Variants in GRID1 observed in about 807,000 individuals in gnomAD.
The protein encoded by GRID1 is glutamate ionotropic receptor delta type subunit 1, also known as glutamate receptor ionotropic, delta-1.
A neutral mutation model predicts 98.0 loss-of-function variants in GRID1; 28 were observed. That is an observed-to-expected ratio of 0.29 (90% confidence interval 0.21 to 0.39). The LOEUF is 0.39. Among genes scored for constraint, GRID1 ranks in the 10% least tolerant of loss-of-function variants. GRID1 has a pLI of 1.00. For synonymous variants in GRID1, 553 were observed against 538.5 expected (o/e 1.03, Z -0.37); for missense variants, 1,111 against 1,340.5 (o/e 0.83, Z 2.67).
chr10:85,797,522 C>T (rs938861924), intron 8 of GRID1, among the ~76,000 whole-genome samples: 2 of 152,070 alleles, frequency 1.3e-5, no homozygotes. Context: ...CTCCACCTCC[C>T]GTGTTCAAGT....
chr10:85,855,425 G>A lies in GRID1; in HGVS notation c.1113+604C>T, dbSNP rs542821163. On this transcript the variant is annotated intron_variant, in intron 7 of 15. Transcript: ENST00000327946. Reference sequence around the variant, plus strand: ...TCCCAGAAACACCTGGCCCAGAAGGGGCCCTGGCTCTGCCCTGGGCTGTAG... The same window carrying A: ...TCCCAGAAACACCTGGCCCAGAAGGAGCCCTGGCTCTGCCCTGGGCTGTAG... Among the ~76,000 whole-genome samples the A allele has an allele frequency of 2.8e-4, 42 of 152,280 alleles. No individual in the cohort carries two copies. The South Asian group carries it at 8.5e-3, about 31-fold the overall frequency.
chr10:85,686,640 AAAGT>A lies in GRID1; in HGVS notation c.1997+36359_1997+36362del, dbSNP rs1487378266. On this transcript the variant is annotated intron_variant, in intron 12 of 15. Coordinates refer to ENST00000327946, the MANE Select transcript of GRID1 (RefSeq NM_017551.3). ...ACTTATACACATTCTGAAGATATTA[AAAGT>A]AAGATGATACATATATTAAATATAT... Among the ~76,000 whole-genome samples, 27 of 152,274 alleles carry A rather than the reference AAAGT, an allele frequency of 1.8e-4. No homozygotes were observed. The Middle Eastern group carries it at 0.01, about 58-fold the overall frequency.
intron 4 of GRID1, among the ~76,000 whole-genome samples, chr10:86,119,732 A>G (rs1844638225): frequency 1.3e-5 from 2 of 152,228 alleles, no homozygotes; most frequent in South Asian, 4.2e-4. Flanking sequence ...CACAGCTTTC[A>G]AGAACACAGA....
intron 2 of GRID1, among the ~76,000 whole-genome samples, chr10:86,335,836 C>T (rs1020609565): frequency 2.0e-5 from 3 of 152,240 alleles, no homozygotes; most frequent in African/African-American, 7.2e-5. Context: ...CTTCCCATGG[C>T]CACTTCTCTA....
Position 85,822,168 on chromosome 10 carries a change from A to G in GRID1, c.1233+32328T>C, listed in dbSNP as rs1410018914. On this transcript the variant is annotated intron_variant, in intron 8 of 15. Coordinates refer to ENST00000327946, the MANE Select transcript of GRID1 (RefSeq NM_017551.3). Reference sequence around the variant, plus strand: ...TAAAACACCAAAAGCAATGGCAACAAAAGCCAAAATTGACAAATGGGATCT... The same window carrying G: ...TAAAACACCAAAAGCAATGGCAACAGAAGCCAAAATTGACAAATGGGATCT... Among the ~76,000 whole-genome samples the G allele has an allele frequency of 9.9e-5, 15 of 152,032 alleles. 1 individual carries two copies. Among genetic ancestry groups the G allele is most frequent in the Non-Finnish European group, 5.9e-5 (4 of 67,900 alleles).
At chr10:86,134,369 G>A (rs1057014652) in intron 4 of GRID1, among the ~76,000 whole-genome samples, 4 of 152,170 alleles carry the variant, frequency 2.6e-5, no homozygotes, top group African/African-American at 9.7e-5. Flanking sequence ...ATGGATGAAC[G>A]GAGAGAGAGG....
chr10:85,887,988 T>C (rs1841141611), intron 5 of GRID1, among the ~76,000 whole-genome samples: 1 of 152,118 alleles, frequency 6.6e-6, no homozygotes, highest in Admixed American at 6.5e-5. Flanking sequence ...TTCTACACCC[T>C]TAAGGAAGCC....
chr10:86,077,641 G>A (rs78397353), intron 4 of GRID1, among the ~76,000 whole-genome samples: 1,683 of 152,306 alleles, frequency 0.011, 31 homozygotes, highest in African/African-American at 0.038. Context: ...CCAGTGATTC[G>A]TGTGCGTTGA....
rs55997663 is a variant in GRID1 at position 85,744,452 on chromosome 10, G to C, written c.1234-14838C>G. Among the ~76,000 whole-genome samples, 1,282 of 150,710 alleles carry C rather than the reference G, an allele frequency of 8.5e-3. 31 individuals are homozygous for C. The highest frequency in any genetic ancestry group is 0.077 in the East Asian group (394 of 5,084). ...ACTATCTGATCTTTGACAAACCTGA[G>C]AAAAACAAGCAATGGGGAAAGGATT... On this transcript the variant is annotated intron_variant, in intron 8 of 15. Coordinates refer to ENST00000327946, the MANE Select transcript of GRID1 (RefSeq NM_017551.3).
At chr10:86,018,211 C>T (rs1229898392) in intron 4 of GRID1, among the ~76,000 whole-genome samples, 1 of 152,234 alleles carries the variant, frequency 6.6e-6, no homozygotes, top group African/African-American at 2.4e-5. Context: ...TGATGAGCTC[C>T]TTCATGAGCA....
intron 6 of GRID1, among the ~76,000 whole-genome samples, chr10:85,857,455 A>C (rs1843123209): frequency 6.6e-6 from 1 of 151,870 alleles, no homozygotes. Context: ...GCCCAGCGGG[A>C]GCCCAATGGG....
intron 8 of GRID1, among the ~76,000 whole-genome samples, chr10:85,770,990 C>T (rs923826393): frequency 3.3e-5 from 5 of 152,124 alleles, no homozygotes; most frequent in East Asian, 3.9e-4. Flanking sequence ...AGATACTCCT[C>T]GAGAAGAGCA....
intron 4 of GRID1, among the ~76,000 whole-genome samples, chr10:86,059,620 C>T (rs2131912097): frequency 6.6e-6 from 1 of 152,310 alleles, no homozygotes; most frequent in East Asian, 1.9e-4. Context: ...TTTTAACCAA[C>T]AAAGTACCAT....
rs112775665 is a variant in GRID1 at position 85,907,406 on chromosome 10, C to T, written c.780+8780G>A. ...GGATTACAGGGGTGAGCCACCATGC[C>T]TGGCCCATACCTATAAATTTGACAA... On this transcript the variant is annotated intron_variant, in intron 5 of 15. Transcript: ENST00000327946. Among the ~76,000 whole-genome samples the T allele has an allele frequency of 3.9e-3, 596 of 152,326 alleles. 3 individuals are homozygous for T. Among genetic ancestry groups the T allele is most frequent in the African/African-American group, 0.013 (561 of 41,576 alleles).
chr10:85,825,688 G>C (rs1842813009), intron 8 of GRID1, among the ~76,000 whole-genome samples: 1 of 151,992 alleles, frequency 6.6e-6, no homozygotes, highest in African/African-American at 2.4e-5. Flanking sequence ...GTTAATACAG[G>C]GGGCAAAAGA....
Position 86,312,414 on chromosome 10 carries a change from C to T in GRID1, c.235+51527G>A, listed in dbSNP as rs17106541. 4.5e-3 allele frequency among the ~76,000 whole-genome samples: 686 copies of T among 152,336 alleles called. 3 individuals are homozygous for T. The highest frequency in any genetic ancestry group is 0.014 in the Middle Eastern group (4 of 294). On this transcript the variant is annotated intron_variant, in intron 2 of 15. Coordinates refer to ENST00000327946, the MANE Select transcript of GRID1 (RefSeq NM_017551.3). ...AGGAGCAAGTTCACCCTTCATTAGT[C>T]AGCAAAGGGAGGGGACTGCTTTCCT...
At chr10:86,210,171 G>A (rs1846087948) in intron 2 of GRID1, among the ~76,000 whole-genome samples, 1 of 152,200 alleles carries the variant, frequency 6.6e-6, no homozygotes, top group Non-Finnish European at 1.5e-5. Flanking sequence ...CTCAAAGGAA[G>A]GAAGGGACTT....
chr10:85,751,365 G>A (rs946630478), intron 8 of GRID1, among the ~76,000 whole-genome samples: 3 of 152,126 alleles, frequency 2.0e-5, no homozygotes, highest in African/African-American at 7.2e-5. Flanking sequence ...GTTTGAGAAG[G>A]GTTTGCACAG....
At chr10:86,320,168 C>T (rs868724715) in intron 2 of GRID1, among the ~76,000 whole-genome samples, 6 of 152,228 alleles carry the variant, frequency 3.9e-5, no homozygotes, top group Non-Finnish European at 8.8e-5. Flanking sequence ...CTGCTGGGAA[C>T]GAAATCCATT....
Sources: gnomAD v4.1 joint callset for allele counts (sites outside exome capture counted in the v4.1 genomes callset) on GRCh38, gnomAD v4.1.1 for gene constraint, MANE v1.5 for transcripts, NCBI Gene and HGNC (gene_info 2026-07-23, HGNC 2026-07-21) for gene names.